Variants in SORCS1 observed in about 807,000 individuals in gnomAD.
The protein encoded by SORCS1 is VPS10 domain-containing receptor SorCS1.
A neutral mutation model predicts 146.1 loss-of-function variants in SORCS1; 60 were observed. The observed-to-expected ratio is 0.41, with a 90% CI of 0.33 to 0.51. The LOEUF (loss-of-function observed/expected upper bound fraction) is 0.51. Ranked by LOEUF, SORCS1 falls within the 20% of genes least tolerant of loss-of-function variation. The pLI is 0.21. For missense variants in SORCS1, 1,352 were observed against 1,487.6 expected, an observed-to-expected ratio of 0.91 and a Z score of 1.50; for synonymous variants, 637 against 584.0, an observed-to-expected ratio of 1.09 and a Z score of -1.31.
intron 5 of SORCS1, among the ~76,000 whole-genome samples, chr10:106,747,218 C>T (rs895307682): frequency 6.6e-6 from 1 of 152,130 alleles, no homozygotes; most frequent in South Asian, 2.1e-4. Flanking sequence ...ATAGAATTGT[C>T]CTGTTTAGAG....
At chr10:107,061,893 T>C (rs1961267796) in intron 1 of SORCS1, among the ~76,000 whole-genome samples, 1 of 152,164 alleles carries the variant, frequency 6.6e-6, no homozygotes, top group South Asian at 2.1e-4. Context: ...GAATAATATA[T>C]GTGAAATAAA....
At chr10:107,037,142 A>G (rs139940203) in intron 1 of SORCS1, among the ~76,000 whole-genome samples, 30 of 152,242 alleles carry the variant, frequency 2.0e-4, no homozygotes, top group Middle Eastern at 3.4e-3. Context: ...GCTACTCAAG[A>G]AGCTGAGGAG....
At chr10:106,619,873 T>C (rs1324495207) in intron 20 of SORCS1, among the ~76,000 whole-genome samples, 1 of 152,230 alleles carries the variant, frequency 6.6e-6, no homozygotes, top group Non-Finnish European at 1.5e-5. Context: ...AAGTTAAAGC[T>C]GACCTAAATA....
intron 4 of SORCS1, among the ~76,000 whole-genome samples, chr10:106,770,273 G>A (rs1409570095): frequency 1.3e-5 from 2 of 151,990 alleles, no homozygotes; most frequent in Admixed American, 6.6e-5. Flanking sequence ...TGATCCTTTG[G>A]AATTTAAAGA....
At chr10:106,646,851 C>A (rs768738460) in intron 18 of SORCS1, among the ~76,000 whole-genome samples, 1 of 151,538 alleles carries the variant, frequency 6.6e-6, no homozygotes, top group Non-Finnish European at 1.5e-5. Context: ...ATTATAATTT[C>A]TCCACTGTAC....
chr10:107,102,555 A>T (rs1964999495), intron 1 of SORCS1, among the ~76,000 whole-genome samples: 1 of 152,208 alleles, frequency 6.6e-6, no homozygotes, highest in South Asian at 2.1e-4. Flanking sequence ...TGATTTGTTA[A>T]AGGTGCTTTA....
intron 3 of SORCS1, among the ~76,000 whole-genome samples, chr10:106,801,526 T>C (rs1163403765): frequency 2.3e-5 from 2 of 85,242 alleles, no homozygotes; most frequent in African/African-American, 7.6e-5. Context: ...GTATAGCCAT[T>C]TTTTTTTTTT....
chr10:106,835,213 A>G (rs547570148), intron 2 of SORCS1, among the ~76,000 whole-genome samples: 28 of 152,370 alleles, frequency 1.8e-4, no homozygotes, highest in African/African-American at 5.8e-4. Context: ...GCTAGTTTCC[A>G]TAAGAGTTGC....
intron 23 of SORCS1, among the ~76,000 whole-genome samples, chr10:106,604,340 T>C (rs757290722): frequency 1.1e-4 from 17 of 152,320 alleles, no homozygotes; most frequent in South Asian, 8.3e-4. Flanking sequence ...CCCTCCTGGA[T>C]TGAAAACTAT....
At chr10:107,148,626 T>C (rs1199921563) in intron 1 of SORCS1, among the ~76,000 whole-genome samples, 1 of 152,194 alleles carries the variant, frequency 6.6e-6, no homozygotes. Context: ...TAATGGGGAA[T>C]GCAAAGGTTT....
chr10:106,589,332 G>T (rs1445896622), intron 24 of SORCS1, among the ~76,000 whole-genome samples: 1 of 152,108 alleles, frequency 6.6e-6, no homozygotes, highest in Non-Finnish European at 1.5e-5. Flanking sequence ...TACCTATTCT[G>T]TCTTAGAAGA....
intron 1 of SORCS1, among the ~76,000 whole-genome samples, chr10:107,015,870 T>C (rs938444350): frequency 5.9e-4 from 90 of 152,194 alleles, no homozygotes; most frequent in Admixed American, 2.6e-4. Flanking sequence ...GAACTACATA[T>C]TGGGTATAAT....
At chr10:107,076,629 G>C (rs1021204220) in intron 1 of SORCS1, among the ~76,000 whole-genome samples, 1 of 152,136 alleles carries the variant, frequency 6.6e-6, no homozygotes, top group African/African-American at 2.4e-5. Flanking sequence ...ATCCTGTTGT[G>C]AGTCAACATT....
intron 18 of SORCS1, 42 bp from the exon 19 acceptor site, chr10:106,629,430 G>A (rs748706792): frequency 1.1e-5 from 17 of 1,600,302 alleles, no homozygotes; most frequent in African/African-American, 1.3e-5. Flanking sequence ...GTTAGTATTC[G>A]GCTGCTCCTG....
At chr10:106,661,885 C>A (rs1850757734) in intron 17 of SORCS1, among the ~76,000 whole-genome samples, 1 of 152,226 alleles carries the variant, frequency 6.6e-6, no homozygotes, top group African/African-American at 2.4e-5. Flanking sequence ...ACCTTCATGT[C>A]AAATGACATG....
chr10:107,127,547 G>A (rs562005155), intron 1 of SORCS1, among the ~76,000 whole-genome samples: 28 of 152,230 alleles, frequency 1.8e-4, no homozygotes, highest in Non-Finnish European at 3.8e-4. Context: ...GGACAGCAGG[G>A]AAATGGGATC....
chr10:106,894,687 G>A lies in SORCS1; in HGVS notation c.626+61826C>T, dbSNP rs1951395913. 3.9e-5 allele frequency among the ~76,000 whole-genome samples: 6 copies of A among 152,236 alleles called. No individual in the cohort carries two copies. In the South Asian group the frequency reaches 1.2e-3, roughly 32 times the overall value. ...GCAGTTGCTCATGAGTTTCAAACAA[G>A]GTTATACTTAGTTTTAGGTACATGT... On this transcript the variant is annotated intron_variant, in intron 2 of 25. Transcript: ENST00000263054.
chr10:106,658,808 G>A (rs1226959907), intron 17 of SORCS1, among the ~76,000 whole-genome samples: 1 of 152,096 alleles, frequency 6.6e-6, no homozygotes, highest in Non-Finnish European at 1.5e-5. Context: ...TAACAATTAG[G>A]GTAGAGAGAG....
intron 18 of SORCS1, among the ~76,000 whole-genome samples, chr10:106,638,403 A>C (rs1431885931): frequency 1.3e-5 from 2 of 152,178 alleles, no homozygotes; most frequent in African/African-American, 2.4e-5. Context: ...AGAAAAAAAA[A>C]GGCACGGTAC....
Sources: gnomAD v4.1 joint callset for allele counts (sites outside exome capture counted in the v4.1 genomes callset) on GRCh38, gnomAD v4.1.1 for gene constraint, MANE v1.5 for transcripts, NCBI Gene and HGNC (gene_info 2026-07-23, HGNC 2026-07-21) for gene names.